The following KIRREL3 variants were observed in gnomAD, a reference collection of about 807,000 sequenced individuals.
KIRREL3 encodes the protein kin of IRRE-like protein 3.
KIRREL3 carries 36 observed loss-of-function variants against 89.7 expected under a neutral mutation model. The ratio of observed to expected loss-of-function variants is 0.40; its 90% CI spans 0.31 to 0.53. The LOEUF is 0.53. KIRREL3 is among the 20% of genes least tolerant of loss of function. The pLI is 0.49. For missense variants in KIRREL3, 864 were observed against 1,056.6 expected (o/e 0.82, Z 2.53); for synonymous variants, 445 against 441.4 (o/e 1.01, Z -0.10).
chr11:126,819,172 T>C (rs928076891), intron 1 of KIRREL3, among the ~76,000 whole-genome samples: 1 of 152,096 alleles, frequency 6.6e-6, no homozygotes, highest in Admixed American at 6.5e-5. Flanking sequence ...GCAAATAATC[T>C]GGGTCCCTAG....
At chr11:126,598,248 G>C (rs999253049) in intron 1 of KIRREL3, among the ~76,000 whole-genome samples, 4 of 152,334 alleles carry the variant, frequency 2.6e-5, no homozygotes, top group Admixed American at 2.6e-4. Flanking sequence ...GAAGTGGAAA[G>C]AATTTTGGAT....
At chr11:126,727,604 G>T (rs1948442469) in intron 1 of KIRREL3, among the ~76,000 whole-genome samples, 1 of 152,156 alleles carries the variant, frequency 6.6e-6, no homozygotes, top group Non-Finnish European at 1.5e-5. Flanking sequence ...AGCTCCCTCG[G>T]GGGGGTCTGG....
At chr11:126,826,466 T>G (rs1443703213) in intron 1 of KIRREL3, among the ~76,000 whole-genome samples, 5 of 152,222 alleles carry the variant, frequency 3.3e-5, no homozygotes, top group Non-Finnish European at 7.3e-5. Flanking sequence ...TTTGTCTCTC[T>G]GGCCTTCAGA....
In KIRREL3 at chr11:126,522,225, G is replaced by A. The variant is rs550549670; in HGVS notation, c.284-761C>T. Among the ~76,000 whole-genome samples, 7 of 151,996 alleles carry A rather than the reference G, an allele frequency of 4.6e-5. No individual in the cohort carries two copies. The East Asian group carries it at 1.4e-3, about 29-fold the overall frequency. ...ACATGCATTTTGATAAGATAGAGAG[G>A]AGAGAGAGAGAGACAGACAGACAGA... is the stretch of plus-strand genomic sequence containing the variant. On this transcript the variant is annotated intron_variant, in intron 3 of 16. Transcript: ENST00000525144. This position sits in a 1 kb window ranked among gnomAD's most constrained non-coding sequence, Gnocchi z 6.0.
rs181674633 is a variant in KIRREL3 at position 126,862,823 on chromosome 11, A to G, written c.55+137632T>C. 7.5e-4 allele frequency among the ~76,000 whole-genome samples: 115 copies of G among 152,366 alleles called. 1 individual carries two copies. The highest frequency in any genetic ancestry group is 1.1e-3 in the Non-Finnish European group (78 of 68,030). On this transcript the variant is annotated intron_variant, in intron 1 of 16. Coordinates refer to ENST00000525144, the MANE Select transcript of KIRREL3 (RefSeq NM_032531.4). ...AAATCAATCTGCCAGAGAGTGATGC[A>G]TTTGACAGTGTAGACACTCGAGGCC...
intron 2 of KIRREL3, among the ~76,000 whole-genome samples, chr11:126,536,374 A>G (rs1281744047): frequency 1.3e-5 from 2 of 152,140 alleles, no homozygotes; most frequent in African/African-American, 4.8e-5. Flanking sequence ...CCTGCCACCC[A>G]CAACTGCCAA....
chr11:126,583,220 C>T (rs553132070), intron 1 of KIRREL3, among the ~76,000 whole-genome samples: 61 of 152,352 alleles, frequency 4.0e-4, no homozygotes, highest in Non-Finnish European at 5.9e-4. Context: ...TGGACTGTTT[C>T]TGAGCCAAGG....
At chr11:126,957,696 T>G (rs1341536183) in intron 1 of KIRREL3, among the ~76,000 whole-genome samples, 1 of 152,144 alleles carries the variant, frequency 6.6e-6, no homozygotes. Flanking sequence ...ACCTGTTGAG[T>G]CAGTGCTGAC....
intron 1 of KIRREL3, among the ~76,000 whole-genome samples, chr11:126,941,987 G>A (rs1023548612): frequency 6.6e-6 from 1 of 152,190 alleles, no homozygotes; most frequent in Non-Finnish European, 1.5e-5. Flanking sequence ...AAGAACAAAG[G>A]AGCAGGGTTC....
rs533480374 is a variant in KIRREL3 at position 126,744,124 on chromosome 11, C to T, written c.56-181212G>A. 5.9e-5 allele frequency among the ~76,000 whole-genome samples: 9 copies of T among 152,260 alleles called. No homozygotes were observed. The South Asian group carries it at 1.9e-3, about 32-fold the overall frequency. On this transcript the variant is annotated intron_variant, in intron 1 of 16. Coordinates refer to ENST00000525144, the MANE Select transcript of KIRREL3 (RefSeq NM_032531.4). The surrounding 1 kb of genome is among the most constrained non-coding windows in gnomAD (Gnocchi z 4.7). ...GGGCAGAGGGCCCAGGAAGGTGGAG[C>T]TGTGCTTGGGAAAGTGGTGGACAGG...
rs952448390 is a variant in KIRREL3, at chr11:126,455,906, G to A, written c.848+443C>T. ...AGGGGCCATGAGTAAGTGTGATCCC[G>A]GATGCTCACTGGACTGGGCCGGGGC... On this transcript the variant is annotated intron_variant, in intron 7 of 16. Coordinates refer to ENST00000525144, the MANE Select transcript of KIRREL3 (RefSeq NM_032531.4). The surrounding 1 kb of genome is among the most constrained non-coding windows in gnomAD (Gnocchi z 6.4). Among the ~76,000 whole-genome samples the A allele has an allele frequency of 4.6e-5, 7 of 151,988 alleles. No individual in the cohort carries two copies. Among genetic ancestry groups the A allele is most frequent in the Non-Finnish European group, 8.8e-5 (6 of 68,000 alleles).
intron 1 of KIRREL3, among the ~76,000 whole-genome samples, chr11:126,804,130 G>A (rs369375328): frequency 7.2e-5 from 11 of 152,196 alleles, no homozygotes; most frequent in African/African-American, 2.7e-4. Context: ...GGGCATGTGA[G>A]GTACAGTTTA....
In KIRREL3 at chr11:126,666,962, T is replaced by C. The variant is rs1945690839; in HGVS notation, c.56-104050A>G. Among the ~76,000 whole-genome samples, 1 of 152,198 alleles carries C rather than the reference T, an allele frequency of 6.6e-6. No homozygotes were observed. Among genetic ancestry groups the C allele is most frequent in the African/African-American group, 2.4e-5 (1 of 41,450 alleles). ...TCCTACAAGATTCAGATCCCTGATG[T>C]GGAGCCAAGGAAAGGCTTGAGTGAC... is the stretch of plus-strand genomic sequence containing the variant. On this transcript the variant is annotated intron_variant, in intron 1 of 16. Coordinates refer to ENST00000525144, the MANE Select transcript of KIRREL3 (RefSeq NM_032531.4). The surrounding 1 kb of genome is among the most constrained non-coding windows in gnomAD (Gnocchi z 4.2).
intron 1 of KIRREL3, among the ~76,000 whole-genome samples, chr11:126,580,539 G>C (rs1156545073): frequency 6.6e-6 from 1 of 152,206 alleles, no homozygotes; most frequent in Non-Finnish European, 1.5e-5. Flanking sequence ...GCATACCGTG[G>C]AGGGCTTTGA....
chr11:126,747,988 C>T lies in KIRREL3; in HGVS notation c.56-185076G>A, dbSNP rs778722763. ...CTACTCTTTCTCAGTCTCCATCTGACCCGTGCCTAGCATCGTGGCCCCTGT... is the reference window on the plus strand; with the variant it reads ...CTACTCTTTCTCAGTCTCCATCTGATCCGTGCCTAGCATCGTGGCCCCTGT... On this transcript the variant is annotated intron_variant, in intron 1 of 16. Transcript: ENST00000525144. The surrounding 1 kb of genome is among the most constrained non-coding windows in gnomAD (Gnocchi z 4.7). Among the ~76,000 whole-genome samples, 2 of 152,200 alleles carry T rather than the reference C, an allele frequency of 1.3e-5. No homozygotes were observed. Among genetic ancestry groups the T allele is most frequent in the Admixed American group, 6.5e-5 (1 of 15,286 alleles).
Position 126,877,012 on chromosome 11 carries a change from T to A in KIRREL3, c.55+123443A>T, listed in dbSNP as rs769061545. Among the ~76,000 whole-genome samples, 37 of 152,052 alleles carry A rather than the reference T, an allele frequency of 2.4e-4. No homozygotes were observed. Among genetic ancestry groups the A allele is most frequent in the Non-Finnish European group, 5.1e-4 (35 of 68,002 alleles). On this transcript the variant is annotated intron_variant, in intron 1 of 16. Transcript: ENST00000525144. The surrounding 1 kb of genome is among the most constrained non-coding windows in gnomAD (Gnocchi z 4.9). ...AAAGGAACAACAGATAAGGAAGAGGTGCAAGCTGCTGAGGTCTGCATAAGA... is the reference window on the plus strand; with the variant it reads ...AAAGGAACAACAGATAAGGAAGAGGAGCAAGCTGCTGAGGTCTGCATAAGA...
In KIRREL3 at chr11:126,562,469, A is replaced by T. The variant is rs1940198883; in HGVS notation, c.133+366T>A. Among the ~76,000 whole-genome samples the T allele has an allele frequency of 6.6e-6, 1 of 152,190 alleles. No homozygotes were observed. Among genetic ancestry groups the T allele is most frequent in the Admixed American group, 6.5e-5 (1 of 15,282 alleles). On this transcript the variant is annotated intron_variant, in intron 2 of 16. Coordinates refer to ENST00000525144, the MANE Select transcript of KIRREL3 (RefSeq NM_032531.4). The surrounding 1 kb of genome is among the most constrained non-coding windows in gnomAD (Gnocchi z 4.7). Reference sequence around the variant, plus strand: ...AACAGGCATTCAAGAAACATGAGTGATGGAGGAGGCAAGTAGAGAGGTCTG... The same window carrying T: ...AACAGGCATTCAAGAAACATGAGTGTTGGAGGAGGCAAGTAGAGAGGTCTG...
rs1014108333 is a variant in KIRREL3, at chr11:126,669,307, C to A, written c.56-106395G>T. Among the ~76,000 whole-genome samples, 1 of 152,176 alleles carries A rather than the reference C, an allele frequency of 6.6e-6. No individual in the cohort carries two copies. Among genetic ancestry groups the A allele is most frequent in the African/African-American group, 2.4e-5 (1 of 41,430 alleles). On this transcript the variant is annotated intron_variant, in intron 1 of 16. Coordinates refer to ENST00000525144, the MANE Select transcript of KIRREL3 (RefSeq NM_032531.4). This position sits in a 1 kb window ranked among gnomAD's most constrained non-coding sequence, Gnocchi z 5.0. ...AGTGAAGTTTTCCTTCAGCGTATTT[C>A]AAACACGTGCAAGATCTTCCTCCTT...
chr11:126,917,428 A>G lies in KIRREL3; in HGVS notation c.55+83027T>C, dbSNP rs1042367542. Among the ~76,000 whole-genome samples the G allele has an allele frequency of 6.6e-6, 1 of 152,202 alleles. No homozygotes were observed. The highest frequency in any genetic ancestry group is 2.4e-5 in the African/African-American group (1 of 41,448). ...TATAGTTAATGCCACTAAACCGTAT[A>G]CTTAAAAGTGGTTAAAATGTCAAAT... On this transcript the variant is annotated intron_variant, in intron 1 of 16. Transcript: ENST00000525144. This position sits in a 1 kb window ranked among gnomAD's most constrained non-coding sequence, Gnocchi z 5.0.
Sources: gnomAD v4.1 joint callset for allele counts (sites outside exome capture counted in the v4.1 genomes callset) on GRCh38, gnomAD v4.1.1 for gene constraint, Gnocchi (gnomAD v3.1) non-coding constraint, MANE v1.5 for transcripts, NCBI Gene and HGNC (gene_info 2026-07-23, HGNC 2026-07-21) for gene names.